Variants in OSBPL5 observed in about 807,000 individuals in gnomAD.
OSBPL5 encodes the protein oxysterol binding protein like 5.
In OSBPL5, 71 loss-of-function variants were observed where a neutral mutation model predicts 111.2. That is an observed-to-expected ratio of 0.64 (90% CI 0.53 to 0.78). The LOEUF (loss-of-function observed/expected upper bound fraction) is 0.78. Among genes scored for constraint, OSBPL5 ranks in the 30% least tolerant of loss-of-function variants. The pLI, the probability that OSBPL5 is intolerant of heterozygous loss-of-function variation, is 0.00. For missense variants in OSBPL5, 1,210 were observed against 1,189.3 expected, an observed-to-expected ratio of 1.02 and a Z score of -0.26; for synonymous variants, 549 against 513.9, an observed-to-expected ratio of 1.07 and a Z score of -0.93.
chr11:3,114,085 A>G (rs1322656119), intron 7 of OSBPL5, among the ~76,000 whole-genome samples: 1 of 152,236 alleles, frequency 6.6e-6, no homozygotes, highest in African/African-American at 2.4e-5. Flanking sequence ...AGATTAAATA[A>G]GATATTTCAC....
At chr11:3,120,384 C>A (rs377309459) in intron 6 of OSBPL5, 37 bp downstream of exon 6, 3 of 1,587,364 alleles carry the variant, frequency 1.9e-6, no homozygotes, top group Non-Finnish European at 2.6e-6. Context: ...CTTGGCCCTA[C>A]GGGGCCTCTG....
In OSBPL5 at chr11:3,141,405, C is replaced by G. The variant is rs1044673255; in HGVS notation, c.-21-12236G>C. On this transcript the variant is annotated intron_variant, in intron 1 of 21. Coordinates refer to ENST00000263650, the MANE Select transcript of OSBPL5 (RefSeq NM_020896.4). This position sits in a 1 kb window ranked among gnomAD's most constrained non-coding sequence, Gnocchi z 6.5. Reference sequence around the variant, plus strand: ...CTGCCCCAGCAGGCAGGTCCAGCCCCGAGGCCTCCTTGGTTCCCCTCAGAA... The same window carrying G: ...CTGCCCCAGCAGGCAGGTCCAGCCCGGAGGCCTCCTTGGTTCCCCTCAGAA... 1.3e-5 allele frequency among the ~76,000 whole-genome samples: 2 copies of G among 152,122 alleles called. No individual in the cohort carries two copies. Among genetic ancestry groups the G allele is most frequent in the African/African-American group, 4.8e-5 (2 of 41,414 alleles).
Position 3,090,687 on chromosome 11 carries a change from G to C in OSBPL5, c.2269C>G (p.Pro757Ala). The part of the protein sequence containing the change: ...SPGPRHERSG[P>A]DQRLRKASDQ... ...CTGGCCTTGCGAAGCCGCTGGTCTG[G>C]GCCAGACCTCTGCAGAGAAATGGAG... Residue 757 changes from proline to alanine, a missense_variant, in exon 20 of 22, where the codon CCA becomes GCA. By Grantham distance (27) the Pro-to-Ala change is conservative. Transcript: ENST00000263650. 1 of 1,611,310 alleles carries C rather than the reference G, an allele frequency of 6.2e-7. No individual in the cohort carries two copies.
At chr11:3,103,859 C>CAGCCCCCTTCCAGCCTCT (rs1564830734) in intron 10 of OSBPL5, among the ~76,000 whole-genome samples, 2 of 40,588 alleles carry the variant, frequency 4.9e-5, no homozygotes, top group Non-Finnish European at 1.2e-4. Flanking sequence ...TTCCAGTCTG[C>CAGCCCCCTTCCAGCCTCT]GCAGCCCCCT....
At chr11:3,132,769 G>T (rs753169413) in intron 1 of OSBPL5, among the ~76,000 whole-genome samples, 13 of 152,320 alleles carry the variant, frequency 8.5e-5, no homozygotes, top group Non-Finnish European at 1.8e-4. Context: ...GTCCTTGGAG[G>T]GCTCCACATT....
At chr11:3,090,227 T>G (rs533970021) in intron 20 of OSBPL5, among the ~76,000 whole-genome samples, 21 of 152,204 alleles carry the variant, frequency 1.4e-4, no homozygotes, top group African/African-American at 4.8e-4. Context: ...GGGACAAAGT[T>G]GGGGAGACAC....
At chr11:3,134,787 G>C (rs1021485608) in intron 1 of OSBPL5, among the ~76,000 whole-genome samples, 7 of 151,470 alleles carry the variant, frequency 4.6e-5, no homozygotes, top group Non-Finnish European at 7.4e-5. Context: ...TCAGAGGTCT[G>C]CTGGGACTTG....
chr11:3,121,670 GCAATGTCTCCCTCCCCAGCGCCCTCCGCC>G lies in OSBPL5; in HGVS notation c.402+298_402+326del, dbSNP rs568507240. 38 of 351,270 alleles carry G rather than the reference GCAATGTCTCCCTCCCCAGCGCCCTCCGCC, an allele frequency of 1.1e-4. No homozygotes were observed. The highest frequency in any genetic ancestry group is 4.5e-4 in the South Asian group (14 of 31,284). The allele number at this position is 351,270 out of a possible 1,614,324, so 21.8% of individuals were successfully genotyped here. On this transcript the variant is annotated intron_variant, in intron 5 of 21. Coordinates refer to ENST00000263650, the MANE Select transcript of OSBPL5 (RefSeq NM_020896.4). This position sits in a 1 kb window ranked among gnomAD's most constrained non-coding sequence, Gnocchi z 4.3. Reference sequence around the variant, plus strand: ...GTGGGGTCCTCTCCCAGAAGCCAGAGCAATGTCTCCCTCCCCAGCGCCCTCCGCCCACTGGCCAGGCCCCACCTTATTCG... The same window carrying G: ...GTGGGGTCCTCTCCCAGAAGCCAGAGCACTGGCCAGGCCCCACCTTATTCG...
chr11:3,096,234 TG>T (rs2134393264), intron 14 of OSBPL5, among the ~76,000 whole-genome samples: 1 of 152,316 alleles, frequency 6.6e-6, no homozygotes, highest in East Asian at 1.9e-4. Flanking sequence ...ACGTGGCAGC[TG>T]GGGATATGAA....
rs1293014634 is a variant in OSBPL5, at chr11:3,110,750, T to C, written c.692-2805A>G. Among the ~76,000 whole-genome samples the C allele has an allele frequency of 1.3e-5, 2 of 152,104 alleles. No individual in the cohort carries two copies. The highest frequency in any genetic ancestry group is 4.8e-5 in the African/African-American group (2 of 41,404). On this transcript the variant is annotated intron_variant, in intron 7 of 21. Coordinates refer to ENST00000263650, the MANE Select transcript of OSBPL5 (RefSeq NM_020896.4). This position sits in a 1 kb window ranked among gnomAD's most constrained non-coding sequence, Gnocchi z 5.3. The stretch of plus-strand genomic sequence containing the variant: ...AAACTCAAAAAAATGCAACCATCTT[T>C]CTCTTATCTACCTATGACCTGGAAG...
At position 3,094,255 on chromosome 11, in the gene OSBPL5, C is replaced by G; in HGVS notation, c.1701G>C (p.Gln567His). Residue 567 changes from glutamine to histidine, a missense_variant, in exon 15 of 22, where the codon CAG becomes CAC. Gln to His is a conservative substitution (Grantham distance 24, BLOSUM62 0). Coordinates refer to ENST00000263650, the MANE Select transcript of OSBPL5 (RefSeq NM_020896.4). ...GCGCTACCTTGAGTTTGAATTCCAG[C>G]TGGGCCTGGAAGTTGTTCTTCGCAC... ...IECAKNNFQA[Q>H]LEFKLKPFFG... 6.2e-7 allele frequency: 1 copy of G among 1,613,566 alleles called. No individual in the cohort carries two copies. The highest frequency in any genetic ancestry group is 2.2e-5 in the East Asian group (1 of 44,880).
At chr11:3,144,374 CA>C (rs1232319102) in intron 1 of OSBPL5, among the ~76,000 whole-genome samples, 4 of 152,242 alleles carry the variant, frequency 2.6e-5, no homozygotes, top group African/African-American at 9.6e-5. Context: ...GAAACGCTGG[CA>C]GCGGTGGACT....
chr11:3,120,026 C>G, intron 6 of OSBPL5: 1 of 412,264 alleles, frequency 2.4e-6, no homozygotes, highest in Non-Finnish European at 4.4e-6. Flanking sequence ...TGATGTTTCT[C>G]TGAAATCCAA....
Position 3,154,423 on chromosome 11 carries a change from G to A in OSBPL5, c.-22+10793C>T, listed in dbSNP as rs79698678. ...GGTGAGCCCGGAAGGGTGAGCATGC[G>A]CCTGCTGACGCTTCGTTCACCAAGC... On this transcript the variant is annotated intron_variant, in intron 1 of 21. Transcript: ENST00000263650. This position sits in a 1 kb window ranked among gnomAD's most constrained non-coding sequence, Gnocchi z 4.9. Among the ~76,000 whole-genome samples the A allele has an allele frequency of 3.3e-5, 5 of 152,202 alleles. No individual in the cohort carries two copies. The highest frequency in any genetic ancestry group is 7.2e-5 in the African/African-American group (3 of 41,460).
chr11:3,129,931 C>T (rs1482342731), intron 1 of OSBPL5, among the ~76,000 whole-genome samples: 1 of 152,250 alleles, frequency 6.6e-6, no homozygotes, highest in East Asian at 1.9e-4. Flanking sequence ...CCCAGCCCCG[C>T]CCACTGGCAG....
At chr11:3,139,978 G>A (rs965031668) in intron 1 of OSBPL5, among the ~76,000 whole-genome samples, 5 of 152,234 alleles carry the variant, frequency 3.3e-5, no homozygotes, top group African/African-American at 1.2e-4. Flanking sequence ...GGCCTGCAGA[G>A]GTGCCCCCCC....
chr11:3,145,701 G>A (rs11025600), intron 1 of OSBPL5, among the ~76,000 whole-genome samples: 30,501 of 152,168 alleles, frequency 0.2, 3,726 homozygotes, highest in African/African-American at 0.35. Flanking sequence ...AGCAGGGCCA[G>A]CGAGGCATTT....
rs11025649 is a variant in OSBPL5 at position 3,154,141 on chromosome 11, A to G, written c.-22+11075T>C. Among the ~76,000 whole-genome samples, 33,396 of 152,184 alleles carry G rather than the reference A, an allele frequency of 0.22. 3,853 individuals carry two copies. The highest frequency in any genetic ancestry group is 0.29 in the African/African-American group (11,969 of 41,498). On this transcript the variant is annotated intron_variant, in intron 1 of 21. Transcript: ENST00000263650. This position sits in a 1 kb window ranked among gnomAD's most constrained non-coding sequence, Gnocchi z 4.9. ...GAAAGGCCCCGTGTGGTGTCCAGAG[A>G]GCTGCTGTAGGAGGTGTTTGCTAGA... is the stretch of plus-strand genomic sequence containing the variant.
intron 1 of OSBPL5, among the ~76,000 whole-genome samples, chr11:3,133,292 C>G (rs1337511401): frequency 6.6e-6 from 1 of 152,346 alleles, no homozygotes; most frequent in East Asian, 1.9e-4. Context: ...GGGAACCCCC[C>G]ATGAGGGGAG....
Sources: gnomAD v4.1 joint callset for allele counts (sites outside exome capture counted in the v4.1 genomes callset) on GRCh38, gnomAD v4.1.1 for gene constraint, Gnocchi (gnomAD v3.1) non-coding constraint, MANE v1.5 for transcripts, NCBI Gene and HGNC (gene_info 2026-07-23, HGNC 2026-07-21) for gene names.